The following MUC3A variants were observed in gnomAD, a reference collection of about 807,000 sequenced individuals.
MUC3A encodes mucin-3A.
A neutral mutation model predicts 109.0 loss-of-function variants in MUC3A; 109 were observed. The observed-to-expected ratio is 1.00, with a 90% CI of 0.86 to 1.17. The LOEUF (loss-of-function observed/expected upper bound fraction) is 1.17, where lower values mean the gene tolerates loss of function less well. Ranked by LOEUF, MUC3A falls within the 50% of genes most tolerant of loss-of-function variation. The probability of loss-of-function intolerance (pLI) is 0.00; values close to 1 mark genes in which losing one functional copy is unlikely to be tolerated. For synonymous variants in MUC3A, 1,398 were observed against 981.4 expected, an observed-to-expected ratio of 1.42 and a Z score of -7.93; for missense variants, 3,537 against 2,469.4, an observed-to-expected ratio of 1.43 and a Z score of -9.16.
chr7:100,958,521 A>T lies in MUC3A; in HGVS notation c.6742A>T (p.Thr2248Ser). ...GFTSSITTTETTSHSTPSFTS... is the reference protein window; with the variant it reads ...GFTSSITTTESTSHSTPSFTS... ...CACTTCTTCAATCACCACCACTGAGACTACATCCCACAGTACTCCCAGCTT... is the reference window on the plus strand; with the variant it reads ...CACTTCTTCAATCACCACCACTGAGTCTACATCCCACAGTACTCCCAGCTT... The change falls in exon 2 of 12, where the codon ACT (threonine) becomes TCT (serine). Residue 2248 changes from threonine (T) to serine (S), a missense_variant. Physicochemically the swap from Thr to Ser is moderately conservative, Grantham distance 58. Transcript: ENST00000379458. 4.6e-6 allele frequency: 6 copies of T among 1,303,380 alleles called. No homozygotes were observed. In the South Asian group the frequency reaches 4.8e-5, roughly 10 times the overall value. 80.7% of individuals were successfully genotyped at this position (1,303,380 alleles called of 1,614,324 possible).
chr7:100,967,392 T>C lies in MUC3A; in HGVS notation c.*230T>C, dbSNP rs2116232003. 1 of 662,294 alleles carries C rather than the reference T, an allele frequency of 1.5e-6. No homozygotes were observed. Among genetic ancestry groups the C allele is most frequent in the East Asian group, 2.7e-5 (1 of 36,632 alleles). The allele number at this position is 662,294 out of a possible 1,614,324, so 41.0% of individuals were successfully genotyped here. A position where few individuals can be genotyped will look rare whatever the true frequency, so the allele number is the denominator to read the frequency against. ...CTTCCACTGTGGAATCTTGGGCAAG[T>C]CAGTAACGAGCCTCAGTTTCCTCAC... On this transcript the variant is annotated 3_prime_UTR_variant, in exon 12 of 12. Coordinates refer to ENST00000379458, the MANE Select transcript of MUC3A (RefSeq NM_005960.2).
intron 11 of MUC3A, 66 bp downstream of exon 11, chr7:100,967,017 C>A: frequency 6.3e-7 from 1 of 1,598,514 alleles, no homozygotes; most frequent in Non-Finnish European, 8.5e-7. Flanking sequence ...CCCTCCCCGA[C>A]CCCCACCAGG....
Position 100,955,828 on chromosome 7 carries a change from A to T in MUC3A, c.4049A>T (p.Gln1350Leu). 2.2e-6 allele frequency: 1 copy of T among 457,866 alleles called. No individual in the cohort carries two copies. The allele number at this position is 457,866 out of a possible 1,614,324, so 28.4% of individuals were successfully genotyped here. The change falls in exon 2 of 12, where the codon CAG (glutamine) becomes CTG (leucine). Residue 1350 changes from glutamine (Q) to leucine (L), a missense_variant. Transcript: ENST00000379458. ...STTVATTGTG[Q>L]TTFPSSTATF... ...ACTGTAGCGACTACAGGCACAGGTC[A>T]GACCACCTTCCCCAGCTCTACAGCC...
intron 8 of MUC3A, 183 bp downstream of exon 8, chr7:100,966,049 T>TCGCCGTAAAGTGTAGCCCCGCCTCC: frequency 1.2e-6 from 1 of 855,048 alleles, no homozygotes; most frequent in Non-Finnish European, 1.7e-6. Flanking sequence ...GCTCTGCTCC[T>TCGCCGTAAAGTGTAGCCCCGCCTCC]TTGATGGGGT....
rs889020454 is a variant in MUC3A, at chr7:100,967,428, G to T, written c.*266G>T. 3.5e-5 allele frequency: 21 copies of T among 604,228 alleles called. No individual in the cohort carries two copies. The African/African-American group carries it at 3.7e-4, about 11-fold the overall frequency. 37.4% of individuals were successfully genotyped at this position (604,228 alleles called of 1,614,324 possible). On this transcript the variant is annotated 3_prime_UTR_variant, in exon 12 of 12. Transcript: ENST00000379458. ...CCTCAGTTTCCTCACCTGCAAAACG[G>T]GTACAGCATTCCTGTATGATAGCTC... is the stretch of plus-strand genomic sequence containing the variant.
chr7:100,960,276 T>A lies in MUC3A; in HGVS notation c.8497T>A (p.Ser2833Thr). ...TCTTACTACATATATGGACACTTCT[T>A]CCATGATGCCAGAAAGTGAGTCCAG... ...TTLTTYMDTS[S>T]MMPESESSIS... Residue 2833 changes from serine to threonine, a missense_variant, in exon 2 of 12, where the codon TCC (serine) becomes ACC (threonine). Ser to Thr is a moderately conservative substitution (Grantham distance 58). Coordinates refer to ENST00000379458, the MANE Select transcript of MUC3A (RefSeq NM_005960.2). The A allele has an allele frequency of 6.3e-7, 1 of 1,598,552 alleles. No homozygotes were observed. The highest frequency in any genetic ancestry group is 8.5e-7 in the Non-Finnish European group (1 of 1,179,828).
chr7:100,953,748 A>G lies in MUC3A; in HGVS notation c.1969A>G (p.Thr657Ala). 2.2e-6 allele frequency: 1 copy of G among 448,514 alleles called. No homozygotes were observed. The highest frequency in any genetic ancestry group is 8.0e-5 in the South Asian group (1 of 12,512). 27.8% of individuals were successfully genotyped at this position (448,514 alleles called of 1,614,324 possible). The change falls in exon 2 of 12, where the codon ACC (threonine) becomes GCC (alanine). Residue 657 changes from threonine (T) to alanine (A), a missense_variant. Physicochemically the swap from Thr to Ala is moderately conservative, Grantham distance 58 (BLOSUM62 0). Coordinates refer to ENST00000379458, the MANE Select transcript of MUC3A (RefSeq NM_005960.2). ...MTTTTSPPTTTNSFTSLTSMP... is the reference protein window; with the variant it reads ...MTTTTSPPTTANSFTSLTSMP... ...AACTACGACCTCTCCTCCCACAACCACCAATTCTTTTACATCACTGACCAG... is the reference window on the plus strand; with the variant it reads ...AACTACGACCTCTCCTCCCACAACCGCCAATTCTTTTACATCACTGACCAG...
In MUC3A at chr7:100,953,303, C is replaced by G; in HGVS notation, c.1524C>G (p.Pro508=). ...SLVSMTSATT[P]NVRPTFVSTL... Reference sequence around the variant, plus strand: ...TCAGCATGACCTCTGCCACTACTCCCAATGTGAGACCAACTTTTGTAAGTA... The same window carrying G: ...TCAGCATGACCTCTGCCACTACTCCGAATGTGAGACCAACTTTTGTAAGTA... Residue 508 remains proline, a synonymous_variant, in exon 2 of 12, where the codon CCC becomes CCG. Transcript: ENST00000379458. 1.9e-6 allele frequency: 1 copy of G among 517,278 alleles called. No individual in the cohort carries two copies. The highest frequency in any genetic ancestry group is 3.4e-5 in the South Asian group (1 of 29,720). The allele number at this position is 517,278 out of a possible 1,614,324, so 32.0% of individuals were successfully genotyped here.
chr7:100,957,171 T>A lies in MUC3A; in HGVS notation c.5392T>A (p.Ser1798Thr), dbSNP rs1792119221. 2.2e-6 allele frequency: 1 copy of A among 448,564 alleles called. No homozygotes were observed. The highest frequency in any genetic ancestry group is 2.0e-5 in the African/African-American group (1 of 49,164). 27.8% of individuals were successfully genotyped at this position (448,564 alleles called of 1,614,324 possible). Residue 1798 changes from serine to threonine, a missense_variant, in exon 2 of 12, where the codon TCA (serine) becomes ACA (threonine). Physicochemically the swap from Ser to Thr is moderately conservative, Grantham distance 58. Transcript: ENST00000379458. ...NTLPSFTSSV[S>T]SSTPVPSTEA... The stretch of plus-strand genomic sequence containing the variant: ...GTTACCATCATTTACCAGTAGCGTT[T>A]CATCTTCTACGCCTGTCCCAAGTAC...
intron 8 of MUC3A, chr7:100,966,121 CCT>C: frequency 1.6e-6 from 1 of 621,222 alleles, no homozygotes; most frequent in Non-Finnish European, 2.5e-6. Context: ...TGGGGCCCCG[CCT>C]CCTCGTTCTA....
Position 100,959,247 on chromosome 7 carries a change from C to T in MUC3A, c.7468C>T (p.Arg2490Ter), listed in dbSNP as rs75808610. The change falls in exon 2 of 12, where the codon CGA becomes TGA. Residue 2490 changes from arginine (R) to a stop codon, truncating the protein, a stop_gained. Coordinates refer to ENST00000379458, the MANE Select transcript of MUC3A (RefSeq NM_005960.2). LOFTEE classifies it high-confidence loss of function. ...LSTDIPTTSL[R>*]TLTPSSVGTS... ...TACAGACATCCCGACCACAAGCCTA[C>T]GAACTCTCACCCCTTCGTCTGTGGG... 230 of 1,368,472 alleles carry T rather than the reference C, an allele frequency of 1.7e-4. No homozygotes were observed. The highest frequency in any genetic ancestry group is 1.1e-4 in the Admixed American group (6 of 53,102). The allele number at this position is 1,368,472 out of a possible 1,614,324, so 84.8% of individuals were successfully genotyped here. A position where few individuals can be genotyped will look rare whatever the true frequency, so the allele number is the denominator to read the frequency against.
chr7:100,953,228 T>C lies in MUC3A; in HGVS notation c.1449T>C (p.Ser483=). The change falls in exon 2 of 12, where the codon AGT becomes AGC. Residue 483 remains serine, a synonymous_variant. Coordinates refer to ENST00000379458, the MANE Select transcript of MUC3A (RefSeq NM_005960.2). ...TVSSSSAMST[S]VIPSSPSIQN... ...CCAGTTCCTCAGCAATGTCCACGAG[T>C]GTCATTCCATCTTCCCCCAGCATTC... The C allele has an allele frequency of 1.8e-6, 1 of 567,474 alleles. No individual in the cohort carries two copies. Among genetic ancestry groups the C allele is most frequent in the Non-Finnish European group, 3.1e-6 (1 of 322,224 alleles). The allele number at this position is 567,474 out of a possible 1,614,324, so 35.2% of individuals were successfully genotyped here. A position where few individuals can be genotyped will look rare whatever the true frequency, so the allele number is the denominator to read the frequency against.
At chr7:100,966,049 T>TCGCCCTAAAGGGTAGCCCCGCCTCC in intron 8 of MUC3A, 183 bp downstream of exon 8, 2 of 855,048 alleles carry the variant, frequency 2.3e-6, no homozygotes, top group East Asian at 3.0e-5. Context: ...GCTCTGCTCC[T>TCGCCCTAAAGGGTAGCCCCGCCTCC]TTGATGGGGT....
In MUC3A at chr7:100,965,719, C is replaced by T. The variant is rs1792509985; in HGVS notation, c.9464C>T (p.Ala3155Val). Residue 3155 changes from alanine to valine, a missense_variant, in exon 8 of 12, where the codon GCC (alanine) becomes GTC (valine). Ala to Val is a moderately conservative substitution (Grantham distance 64). Transcript: ENST00000379458. ...CAACCCCCAGCCATCTGCCGCCGCG[C>T]CGCTCCCACGGGCTATGAAGAGTTC... ...ELTPAAICRR[A>V]APTGYEEFYF... 1.3e-6 allele frequency: 2 copies of T among 1,597,564 alleles called. No individual in the cohort carries two copies. Among genetic ancestry groups the T allele is most frequent in the East Asian group, 2.2e-5 (1 of 44,872 alleles).
In MUC3A at chr7:100,960,755, C is replaced by T. The variant is rs752312126; in HGVS notation, c.8870C>T (p.Thr2957Ile). Reference sequence around the variant, plus strand: ...CCTTTCTTTCTGTGTTTTCCAGGCACCTGTGACAATGGTGGCACCTGGGAA... The same window carrying T: ...CCTTTCTTTCTGTGTTTTCCAGGCATCTGTGACAATGGTGGCACCTGGGAA... ...TQSTLTTTAG[T>I]CDNGGTWEQG... The change falls in exon 3 of 12, where the codon ACC becomes ATC. Residue 2957 changes from threonine to isoleucine, a missense_variant. Transcript: ENST00000379458. 3 of 1,596,944 alleles carry T rather than the reference C, an allele frequency of 1.9e-6. No individual in the cohort carries two copies. Among genetic ancestry groups the T allele is most frequent in the South Asian group, 1.1e-5 (1 of 90,930 alleles).
chr7:100,957,808 C>G lies in MUC3A; in HGVS notation c.6029C>G (p.Thr2010Ser). Residue 2010 changes from threonine (T) to serine (S), a missense_variant, in exon 2 of 12, where the codon ACT (threonine) becomes AGT (serine). Thr to Ser is a moderately conservative substitution (Grantham distance 58). Transcript: ENST00000379458. ...ACCTCACACAGTACTCCCAGCTTCACTTCTTCCATCACCACCACTGAGACC... is the reference window on the plus strand; with the variant it reads ...ACCTCACACAGTACTCCCAGCTTCAGTTCTTCCATCACCACCACTGAGACC... ...TTTSHSTPSF[T>S]SSITTTETTS... 1 of 985,396 alleles carries G rather than the reference C, an allele frequency of 1.0e-6. No individual in the cohort carries two copies. Among genetic ancestry groups the G allele is most frequent in the South Asian group, 1.3e-5 (1 of 77,898 alleles). 61.0% of individuals were successfully genotyped at this position (985,396 alleles called of 1,614,324 possible).
chr7:100,963,233 C>T lies in MUC3A; in HGVS notation c.9135C>T (p.Ala3045=). The part of the protein sequence containing the change: ...SPDLNDNTSQ[A]YRDFNKTFWN... The stretch of plus-strand genomic sequence containing the variant: ...ACCTCAATGACAACACTTCCCAGGC[C>T]TACAGGGATTTCAACAAGACCTTCT... Residue 3045 remains alanine, a synonymous_variant, in exon 4 of 12, where the codon GCC becomes GCT. Transcript: ENST00000379458. 3.8e-6 allele frequency: 6 copies of T among 1,598,244 alleles called. No individual in the cohort carries two copies. The highest frequency in any genetic ancestry group is 5.1e-6 in the Non-Finnish European group (6 of 1,179,710).
chr7:100,964,000 G>A, intron 5 of MUC3A: 1 of 632,070 alleles, frequency 1.6e-6, no homozygotes, highest in Non-Finnish European at 2.8e-6. Context: ...GGAAGGTGGT[G>A]CCTGGATTGA....
At chr7:100,964,453 G>C in intron 5 of MUC3A, 2 of 589,216 alleles carry the variant, frequency 3.4e-6, no homozygotes, top group Non-Finnish European at 5.5e-6. Context: ...GCAAGACTTT[G>C]TCTCTATAAA....
Sources: gnomAD v4.1 joint callset for allele counts on GRCh38, gnomAD v4.1.1 for gene constraint, MANE v1.5 for transcripts, NCBI Gene and HGNC (gene_info 2026-07-23, HGNC 2026-07-21) for gene names.